Variants in YWHAE observed in about 807,000 individuals in gnomAD.
YWHAE encodes tyrosine 3-monooxygenase/tryptophan 5-monooxygenase activation protein epsilon, also known as 14-3-3 protein epsilon.
YWHAE carries 4 observed loss-of-function variants against 30.1 expected under a neutral mutation model. That is an observed-to-expected ratio of 0.13 (90% CI 0.07 to 0.30). The LOEUF is 0.30. Among genes scored for constraint, YWHAE ranks in the 10% least tolerant of loss-of-function variants. The pLI, the probability that YWHAE is intolerant of heterozygous loss-of-function variation, is 1.00. For missense variants in YWHAE, 121 were observed against 315.9 expected (o/e 0.38, Z 4.68); for synonymous variants, 118 against 111.8 (o/e 1.06, Z -0.35).
chr17:1,359,949 GGA>G (rs1329947828), intron 4 of YWHAE, among the ~76,000 whole-genome samples: 14 of 74,702 alleles, frequency 1.9e-4, no homozygotes, highest in Admixed American at 6.4e-4. Context: ...GGGGAGGGGG[GGA>G]GAGAGGGGGA....
chr17:1,372,879 G>T (rs1226493795), intron 1 of YWHAE, among the ~76,000 whole-genome samples: 1 of 152,076 alleles, frequency 6.6e-6, no homozygotes, highest in East Asian at 1.9e-4. Flanking sequence ...CTGGAGCCTG[G>T]GAGGTCAAGG....
chr17:1,365,101 TTTC>T (rs1328922575), intron 1 of YWHAE, 43 bp from the exon 2 acceptor site: 4 of 1,582,930 alleles, frequency 2.5e-6, no homozygotes, highest in African/African-American at 2.7e-5. Context: ...AATTTGAAGT[TTTC>T]TTAACATATT....
intron 4 of YWHAE, among the ~76,000 whole-genome samples, chr17:1,358,779 G>T (rs1163456621): frequency 6.8e-6 from 1 of 147,156 alleles, no homozygotes; most frequent in African/African-American, 2.5e-5. Context: ...GCAGTGAGCT[G>T]CGATCGCACC....
At chr17:1,400,022 G>GCC in intron 1 of YWHAE, 25 bp downstream of exon 1, 5 of 1,605,608 alleles carry the variant, frequency 3.1e-6, no homozygotes, top group Non-Finnish European at 4.3e-6. Flanking sequence ...GAGAATTCCA[G>GCC]CCCCCCGTTG....
chr17:1,357,495 G>A (rs945785993), intron 4 of YWHAE, among the ~76,000 whole-genome samples: 4 of 151,738 alleles, frequency 2.6e-5, no homozygotes, highest in South Asian at 2.1e-4. Flanking sequence ...CGAGAGAATC[G>A]CCTGAACCCA....
chr17:1,389,311 CACA>C (rs1360841717), intron 1 of YWHAE, among the ~76,000 whole-genome samples: 1 of 152,136 alleles, frequency 6.6e-6, no homozygotes, highest in Non-Finnish European at 1.5e-5. Context: ...TAAAGGTGTT[CACA>C]ACAACCACTC....
chr17:1,362,983 T>C lies in YWHAE; in HGVS notation c.265-975A>G, dbSNP rs115045183. ...TCTATTTCTCAGTTTTTGTCATCAA[T>C]AGATCTCTACACCCTTCTCCCAGAT... On this transcript the variant is annotated intron_variant, in intron 2 of 5. Coordinates refer to ENST00000264335, the MANE Select transcript of YWHAE (RefSeq NM_006761.5). Among the ~76,000 whole-genome samples, 419 of 152,080 alleles carry C rather than the reference T, an allele frequency of 2.8e-3. 2 individuals are homozygous for C. The highest frequency in any genetic ancestry group is 9.4e-3 in the African/African-American group (391 of 41,480).
intron 4 of YWHAE, among the ~76,000 whole-genome samples, chr17:1,354,964 G>GTT (rs56351171): frequency 0.024 from 1,767 of 74,492 alleles, 97 homozygotes; most frequent in East Asian, 0.067. Context: ...GCCCAGCCTA[G>GTT]TTTTTTTTTT....
rs180922552 is a variant in YWHAE, at chr17:1,392,007, G to C, written c.64+8040C>G. ...CGAGGCAGGTGAATCTTGAGCTCGA[G>C]TTCAAGACCTGGGCAACATGGTAAA... On this transcript the variant is annotated intron_variant, in intron 1 of 5. Transcript: ENST00000264335. Among the ~76,000 whole-genome samples, 45 of 152,126 alleles carry C rather than the reference G, an allele frequency of 3.0e-4. 1 individual carries two copies. Among genetic ancestry groups the C allele is most frequent in the Admixed American group, 2.6e-3 (40 of 15,274 alleles).
At chr17:1,349,201 C>T (rs1210142955) in intron 5 of YWHAE, among the ~76,000 whole-genome samples, 1 of 151,640 alleles carries the variant, frequency 6.6e-6, no homozygotes, top group Non-Finnish European at 1.5e-5. Flanking sequence ...TATTGCCAGG[C>T]GTGGTGGTGG....
intron 1 of YWHAE, chr17:1,399,229 G>A (rs745827149): frequency 2.6e-5 from 4 of 152,132 alleles, no homozygotes; most frequent in East Asian, 1.9e-4. Flanking sequence ...TGGAGCCAGA[G>A]AAAGGTTACA....
At chr17:1,398,337 C>CT (rs923698486) in intron 1 of YWHAE, among the ~76,000 whole-genome samples, 17 of 90,568 alleles carry the variant, frequency 1.9e-4, no homozygotes, top group South Asian at 7.7e-4. Flanking sequence ...CATCTTATCC[C>CT]CCCCCCCAAC....
chr17:1,354,187 C>T (rs2072689013), intron 5 of YWHAE, 24 bp downstream of exon 5: 2 of 1,606,422 alleles, frequency 1.2e-6, no homozygotes, highest in Non-Finnish European at 1.7e-6. Context: ...AAAGAGGTGC[C>T]TGTTTCACTC....
At chr17:1,365,650 C>A (rs1331398037) in intron 1 of YWHAE, among the ~76,000 whole-genome samples, 2 of 152,130 alleles carry the variant, frequency 1.3e-5, no homozygotes, top group African/African-American at 4.8e-5. Context: ...GCCTTGGCAT[C>A]TACCGCAAGC....
Position 1,368,865 on chromosome 17 carries a change from C to T in YWHAE, c.65-3807G>A, listed in dbSNP as rs1263000241. Among the ~76,000 whole-genome samples the T allele has an allele frequency of 2.6e-5, 4 of 152,144 alleles. No homozygotes were observed. The South Asian group carries it at 8.3e-4, about 31-fold the overall frequency. On this transcript the variant is annotated intron_variant, in intron 1 of 5. Transcript: ENST00000264335. Reference sequence around the variant, plus strand: ...AACAGTGCCATTAATTCTTTTAAGGCTTTACAATATTACATACAGAAAAAC... The same window carrying T: ...AACAGTGCCATTAATTCTTTTAAGGTTTTACAATATTACATACAGAAAAAC...
chr17:1,384,295 G>C (rs954244186), intron 1 of YWHAE, among the ~76,000 whole-genome samples: 2 of 151,634 alleles, frequency 1.3e-5, no homozygotes, highest in Non-Finnish European at 2.9e-5. Flanking sequence ...AGGATTGCTT[G>C]AGCCCAGGAG....
At chr17:1,368,036 A>C (rs772438426) in intron 1 of YWHAE, among the ~76,000 whole-genome samples, 4 of 152,064 alleles carry the variant, frequency 2.6e-5, no homozygotes, top group Non-Finnish European at 5.9e-5. Context: ...GGATCACCTG[A>C]GGTCAGGAGT....
chr17:1,358,828 T>TA (rs1219797455), intron 4 of YWHAE, among the ~76,000 whole-genome samples: 10,701 of 64,194 alleles, frequency 0.17, 1,569 homozygotes, highest in African/African-American at 0.45. Context: ...AGACTCCATC[T>TA]TAAAAAAAAA....
At position 1,345,462 on chromosome 17, in the gene YWHAE, T is replaced by C. The variant is rs1188610379; in HGVS notation, c.753A>G (p.Glu251=). 6 of 1,613,882 alleles carry C rather than the reference T, an allele frequency of 3.7e-6. No homozygotes were observed. The highest frequency in any genetic ancestry group is 2.2e-5 in the South Asian group (2 of 91,068). Residue 251 remains glutamate, a synonymous_variant, in exon 6 of 6, where the codon GAA becomes GAG. Transcript: ENST00000264335. ...GGCTTATGTCTCACTGATTTTCGTC[T>C]TCCACGTCCTGCAGCGCTTCTTTAT... ...EQNKEALQDV[E]DENQ is the part of the protein sequence containing the mutation.
Sources: gnomAD v4.1 joint callset for allele counts (sites outside exome capture counted in the v4.1 genomes callset) on GRCh38, gnomAD v4.1.1 for gene constraint, MANE v1.5 for transcripts, NCBI Gene and HGNC (gene_info 2026-07-23, HGNC 2026-07-21) for gene names.